The following GPC5 variants were observed in gnomAD, a reference collection of about 807,000 sequenced individuals.
GPC5 encodes glypican 5.
A neutral mutation model predicts 53.9 loss-of-function variants in GPC5; 47 were observed. That is an observed-to-expected ratio of 0.87 (90% CI 0.69 to 1.11). The LOEUF is 1.11. Among genes scored for constraint, GPC5 ranks in the 50% most tolerant of loss-of-function variants. The pLI, the probability that GPC5 is intolerant of heterozygous loss-of-function variation, is 0.00. For missense variants in GPC5, 748 were observed against 713.1 expected, an observed-to-expected ratio of 1.05 and a Z score of -0.56; for synonymous variants, 286 against 263.3, an observed-to-expected ratio of 1.09 and a Z score of -0.84.
chr13:91,954,294 T>C (rs545173464), intron 6 of GPC5, among the ~76,000 whole-genome samples: 1 of 152,152 alleles, frequency 6.6e-6, no homozygotes, highest in South Asian at 2.1e-4. Context: ...GAAAGAAAAA[T>C]AACAGCCCAT....
At chr13:92,504,261 T>C (rs1292323939) in intron 7 of GPC5, among the ~76,000 whole-genome samples, 3 of 151,864 alleles carry the variant, frequency 2.0e-5, no homozygotes, top group Non-Finnish European at 4.4e-5. Flanking sequence ...CACTCCAAAA[T>C]AAAATACCTA....
chr13:91,438,748 G>A (rs1232016247), intron 1 of GPC5, among the ~76,000 whole-genome samples: 1 of 152,214 alleles, frequency 6.6e-6, no homozygotes, highest in Non-Finnish European at 1.5e-5. Context: ...GCAATGCCCT[G>A]CCCCCAGAGG....
chr13:91,598,733 T>C lies in GPC5; in HGVS notation c.326-94454T>C, dbSNP rs573381050. On this transcript the variant is annotated intron_variant, in intron 2 of 7. Transcript: ENST00000377067. The stretch of plus-strand genomic sequence containing the variant: ...GCAAAAACAAGTATATCATGTAAAG[T>C]CAGGAATTAGGAATGCAGTTTCTGG... 5.3e-5 allele frequency among the ~76,000 whole-genome samples: 8 copies of C among 152,102 alleles called. No homozygotes were observed. In the South Asian group the frequency reaches 1.7e-3, roughly 32 times the overall value.
intron 7 of GPC5, among the ~76,000 whole-genome samples, chr13:92,230,147 G>A (rs1340364034): frequency 6.6e-6 from 1 of 152,076 alleles, no homozygotes; most frequent in East Asian, 1.9e-4. Flanking sequence ...ACTAGACCAG[G>A]GAGGTAACAG....
chr13:92,558,287 G>T (rs1383824292), intron 7 of GPC5, among the ~76,000 whole-genome samples: 2 of 151,950 alleles, frequency 1.3e-5, no homozygotes, highest in African/African-American at 4.8e-5. Context: ...AAATTGCAAT[G>T]ATTATCTCAA....
intron 7 of GPC5, among the ~76,000 whole-genome samples, chr13:92,492,609 A>C (rs1879810029): frequency 6.6e-6 from 1 of 152,154 alleles, no homozygotes; most frequent in South Asian, 2.1e-4. Context: ...AAACCATAAA[A>C]ATGTCCTGGT....
At chr13:91,444,943 T>G (rs1880683041) in intron 1 of GPC5, among the ~76,000 whole-genome samples, 1 of 152,198 alleles carries the variant, frequency 6.6e-6, no homozygotes, top group African/African-American at 2.4e-5. Context: ...ACCCAACTGC[T>G]GTCAGTCAGA....
At chr13:92,792,863 T>G (rs1876514425) in intron 7 of GPC5, among the ~76,000 whole-genome samples, 1 of 151,992 alleles carries the variant, frequency 6.6e-6, no homozygotes, top group African/African-American at 2.4e-5. Context: ...CAACCAATAC[T>G]GCGGCACCCA....
At chr13:91,412,547 A>G (rs1042580653) in intron 1 of GPC5, among the ~76,000 whole-genome samples, 8 of 152,332 alleles carry the variant, frequency 5.3e-5, no homozygotes, top group African/African-American at 1.9e-4. Flanking sequence ...CAAATACACA[A>G]ATATACCATG....
At chr13:91,905,717 T>G (rs1452276018) in intron 5 of GPC5, among the ~76,000 whole-genome samples, 1 of 152,068 alleles carries the variant, frequency 6.6e-6, no homozygotes, top group Admixed American at 6.6e-5. Flanking sequence ...TCTTCAAAGA[T>G]TTTTCAATTT....
chr13:91,499,938 G>C (rs1045177873), intron 2 of GPC5, among the ~76,000 whole-genome samples: 1 of 152,210 alleles, frequency 6.6e-6, no homozygotes, highest in Non-Finnish European at 1.5e-5. Context: ...AGCTGCATGA[G>C]AGCAGTCACT....
intron 6 of GPC5, among the ~76,000 whole-genome samples, chr13:92,142,780 T>C (rs2041840828): frequency 6.6e-6 from 1 of 152,160 alleles, no homozygotes; most frequent in Admixed American, 6.6e-5. Context: ...ATTGGAATAA[T>C]TCTTAGGGAA....
intron 6 of GPC5, among the ~76,000 whole-genome samples, chr13:92,097,442 A>G (rs2352487): frequency 0.51 from 77,951 of 152,080 alleles, 20,368 homozygotes; most frequent in East Asian, 0.79. Flanking sequence ...AGCTGAGGTT[A>G]TAATTAGACA....
intron 6 of GPC5, among the ~76,000 whole-genome samples, chr13:91,993,322 G>A (rs1004205790): frequency 4.6e-5 from 7 of 151,316 alleles, no homozygotes; most frequent in African/African-American, 1.2e-4. Flanking sequence ...AATGTGTCAC[G>A]TTATGTTTAC....
chr13:92,351,967 T>C (rs2139268658), intron 7 of GPC5, among the ~76,000 whole-genome samples: 1 of 152,326 alleles, frequency 6.6e-6, no homozygotes, highest in Admixed American at 6.5e-5. Flanking sequence ...AATGTGATTT[T>C]AAGGTTTTTG....
chr13:92,119,794 G>A (rs2138942308), intron 6 of GPC5, among the ~76,000 whole-genome samples: 1 of 150,796 alleles, frequency 6.6e-6, no homozygotes, highest in East Asian at 2.0e-4. Context: ...GTGTAGATGA[G>A]TTTTTTAGTT....
intron 5 of GPC5, among the ~76,000 whole-genome samples, chr13:91,890,271 C>T (rs1456851879): frequency 1.3e-5 from 2 of 152,184 alleles, no homozygotes; most frequent in Non-Finnish European, 2.9e-5. Flanking sequence ...ATTCCCCCTT[C>T]ATGGCCTTCT....
chr13:92,470,224 A>T (rs1012591720), intron 7 of GPC5, among the ~76,000 whole-genome samples: 1 of 152,204 alleles, frequency 6.6e-6, no homozygotes, highest in African/African-American at 2.4e-5. Flanking sequence ...AAAGAGGTCT[A>T]CTATATAACA....
chr13:92,162,969 T>C (rs1182879125), intron 7 of GPC5, among the ~76,000 whole-genome samples: 1 of 152,150 alleles, frequency 6.6e-6, no homozygotes, highest in Non-Finnish European at 1.5e-5. Context: ...TTTCATAGAC[T>C]ATGAGCTTCT....
Sources: gnomAD v4.1 joint callset for allele counts (sites outside exome capture counted in the v4.1 genomes callset) on GRCh38, gnomAD v4.1.1 for gene constraint, MANE v1.5 for transcripts, NCBI Gene and HGNC (gene_info 2026-07-23, HGNC 2026-07-21) for gene names.